MATCAP2: variants seen among roughly 807,000 people sequenced by gnomAD.
MATCAP2 encodes microtubule associated tyrosine carboxypeptidase 2.
the MATCAP2 span, among the ~76,000 whole-genome samples, chr7:36,358,251 T>C: frequency 6.6e-6 from 1 of 151,998 alleles, no homozygotes; most frequent in Non-Finnish European, 1.5e-5. Flanking sequence ...AAAATAGTAT[T>C]TTCTATAATA....
the MATCAP2 span, among the ~76,000 whole-genome samples, chr7:36,361,190 C>T: frequency 6.6e-6 from 1 of 152,170 alleles, no homozygotes; most frequent in African/African-American, 2.4e-5. Flanking sequence ...TCCTGACATC[C>T]ATTCCCAGCT....
the MATCAP2 span, among the ~76,000 whole-genome samples, chr7:36,362,510 G>T: frequency 1.3e-5 from 2 of 152,208 alleles, no homozygotes; most frequent in Non-Finnish European, 2.9e-5. Context: ...TGGTAAGAGT[G>T]AGCATTATAC....
At chr7:36,366,825 C>G in the MATCAP2 span, 1 of 1,520,384 alleles carries the variant, frequency 6.6e-7, no homozygotes, top group South Asian at 1.2e-5. Context: ...AGCGGCGCGC[C>G]CAGCCGGTGG....
the MATCAP2 span, chr7:36,367,277 C>T: frequency 1.9e-6 from 2 of 1,041,922 alleles, no homozygotes; most frequent in African/African-American, 3.4e-5. Flanking sequence ...CTTCACGGAG[C>T]CTGCGCGCCG....
At chr7:36,340,190 T>A in the MATCAP2 span, among the ~76,000 whole-genome samples, 1 of 152,220 alleles carries the variant, frequency 6.6e-6, no homozygotes, top group African/African-American at 2.4e-5. Context: ...TTTTAAAGCA[T>A]GTACTTAATT....
At chr7:36,381,763 A>G in the MATCAP2 span, among the ~76,000 whole-genome samples, 2 of 152,220 alleles carry the variant, frequency 1.3e-5, no homozygotes, top group East Asian at 1.9e-4. Flanking sequence ...AGTGCCAGGC[A>G]TGAATGGGAC....
chr7:36,370,610 T>C, the MATCAP2 span, among the ~76,000 whole-genome samples: 1 of 152,166 alleles, frequency 6.6e-6, no homozygotes, highest in Non-Finnish European at 1.5e-5. Flanking sequence ...GCCTCCCAAG[T>C]AGCTGGGATT....
chr7:36,386,079 C>T, the MATCAP2 span, among the ~76,000 whole-genome samples: 3 of 151,596 alleles, frequency 2.0e-5, no homozygotes, highest in East Asian at 1.9e-4. Context: ...CGCTTGAACC[C>T]GGGAGGCAGA....
the MATCAP2 span, chr7:36,390,153 TGC>T: frequency 6.3e-7 from 1 of 1,577,274 alleles, no homozygotes; most frequent in Non-Finnish European, 8.6e-7. Context: ...GGCGCGTGTG[TGC>T]GCGCGTGCGC....
At chr7:36,365,888 TG>T in the MATCAP2 span, among the ~76,000 whole-genome samples, 2 of 152,260 alleles carry the variant, frequency 1.3e-5, no homozygotes, top group African/African-American at 4.8e-5. Context: ...TCTCAGATCC[TG>T]GAACTATGTT....
chr7:36,349,225 T>C, the MATCAP2 span, among the ~76,000 whole-genome samples: 2 of 152,164 alleles, frequency 1.3e-5, no homozygotes, highest in South Asian at 4.1e-4. Context: ...CTGACAGCAG[T>C]GTGGAGAGCA....
At chr7:36,372,290 C>G in the MATCAP2 span, among the ~76,000 whole-genome samples, 1 of 151,876 alleles carries the variant, frequency 6.6e-6, no homozygotes, top group Non-Finnish European at 1.5e-5. Context: ...TCAGGGCAAA[C>G]TGTGAACATT....
At chr7:36,347,254 T>C in the MATCAP2 span, among the ~76,000 whole-genome samples, 1 of 152,206 alleles carries the variant, frequency 6.6e-6, no homozygotes, top group South Asian at 2.1e-4. Context: ...ACTTAGATAA[T>C]AAAGTTTCTG....
the MATCAP2 span, chr7:36,383,998 A>G: frequency 3.3e-6 from 2 of 597,708 alleles, no homozygotes; most frequent in Non-Finnish European, 5.2e-6. Context: ...TAAAAATTTT[A>G]AAATTAAATA....
the MATCAP2 span, among the ~76,000 whole-genome samples, chr7:36,365,611 A>G: frequency 6.6e-6 from 1 of 152,180 alleles, no homozygotes. Context: ...AGGCAGGAGA[A>G]TCGCTTGAAC....
chr7:36,347,957 A>G, the MATCAP2 span, among the ~76,000 whole-genome samples: 17 of 152,298 alleles, frequency 1.1e-4, no homozygotes, highest in African/African-American at 4.1e-4. Context: ...TGTTTTTTAA[A>G]GGTTTCAAGG....
chr7:36,368,278 G>A, the MATCAP2 span: 1 of 152,158 alleles, frequency 6.6e-6, no homozygotes, highest in Non-Finnish European at 1.5e-5. Flanking sequence ...TCAAGGCTAA[G>A]ACATGGAAAT....
the MATCAP2 span, chr7:36,333,871 C>T: frequency 6.2e-7 from 1 of 1,605,664 alleles, no homozygotes; most frequent in South Asian, 1.1e-5. Flanking sequence ...TGGGAAGTAT[C>T]AGTCCATCCC....
At chr7:36,379,845 C>G in the MATCAP2 span, among the ~76,000 whole-genome samples, 24,540 of 120,484 alleles carry the variant, frequency 0.2, 2,246 homozygotes, top group Non-Finnish European at 0.23. Flanking sequence ...CACACACACA[C>G]ACAGAGAGAG....
Sources: allele counts gnomAD v4.1 joint callset (sites outside exome capture counted in the v4.1 genomes callset), GRCh38; gene constraint gnomAD v4.1.1; transcripts MANE v1.5; gene names NCBI Gene and HGNC (gene_info 2026-07-23, HGNC 2026-07-21).